Variants in NCS1 observed in about 807,000 individuals in gnomAD.
The protein encoded by NCS1 is neuronal calcium sensor 1, also known as frequenin homolog.
Under a neutral mutation model 28.4 loss-of-function variants are expected in NCS1, and 6 were observed. The observed-to-expected ratio is 0.21, with a 90% CI of 0.12 to 0.42. The LOEUF is 0.42. Ranked by LOEUF, NCS1 falls within the 10% of genes least tolerant of loss-of-function variation. The pLI, the probability that NCS1 is intolerant of heterozygous loss-of-function variation, is 1.00. For missense variants in NCS1, 131 were observed against 241.4 expected (o/e 0.54, Z 3.03); for synonymous variants, 86 against 99.3 (o/e 0.87, Z 0.79).
intron 2 of NCS1, among the ~76,000 whole-genome samples, chr9:130,202,780 A>G (rs1227041569): frequency 1.3e-5 from 2 of 151,972 alleles, no homozygotes; most frequent in African/African-American, 2.4e-5. Flanking sequence ...GGGTTTCACC[A>G]TCTTGGCCAG....
chr9:130,221,155 C>A (rs1833279814), intron 4 of NCS1, among the ~76,000 whole-genome samples: 1 of 151,792 alleles, frequency 6.6e-6, no homozygotes, highest in Admixed American at 6.6e-5. Flanking sequence ...TCCCAAGTAG[C>A]TGGGATTACA....
chr9:130,237,146 G>C lies in NCS1; in HGVS notation c.*4174G>C, dbSNP rs920145218. On this transcript the variant is annotated 3_prime_UTR_variant, in exon 8 of 8. Transcript: ENST00000372398. ...CCTTTGAGTCTCTTTTTGGGGTGCCGTCCTGTCTGAACCTGCCGGTGTGTG... is the reference window on the plus strand; with the variant it reads ...CCTTTGAGTCTCTTTTTGGGGTGCCCTCCTGTCTGAACCTGCCGGTGTGTG... 4 of 152,214 alleles carry C rather than the reference G, an allele frequency of 2.6e-5. No individual in the cohort carries two copies. The highest frequency in any genetic ancestry group is 9.7e-5 in the African/African-American group (4 of 41,390). The allele number at this position is 152,214 out of a possible 1,614,324, so 9.4% of individuals were successfully genotyped here. A position where few individuals can be genotyped will look rare whatever the true frequency, so the allele number is the denominator to read the frequency against.
At chr9:130,201,097 C>T in intron 2 of NCS1, 115 bp downstream of exon 2, 1 of 1,400,210 alleles carries the variant, frequency 7.1e-7, no homozygotes, top group Admixed American at 1.7e-5. Context: ...TGGAGGGGCC[C>T]CTGAGCGTGG....
intron 2 of NCS1, among the ~76,000 whole-genome samples, chr9:130,204,450 G>T (rs1222059543): frequency 3.9e-5 from 6 of 152,202 alleles, no homozygotes; most frequent in African/African-American, 1.4e-4. Flanking sequence ...CACCATGGCT[G>T]GCTAGTTATT....
At position 130,233,566 on chromosome 9, in the gene NCS1, GA is replaced by G. The variant is rs879989685; in HGVS notation, c.*595del. 2.6e-5 allele frequency: 4 copies of G among 151,516 alleles called. No individual in the cohort carries two copies. The highest frequency in any genetic ancestry group is 1.9e-4 in the East Asian group (1 of 5,166). 9.4% of individuals were successfully genotyped at this position (151,516 alleles called of 1,614,324 possible). On this transcript the variant is annotated 3_prime_UTR_variant, in exon 8 of 8. Coordinates refer to ENST00000372398, the MANE Select transcript of NCS1 (RefSeq NM_014286.4). This position sits in a 1 kb window ranked among gnomAD's most constrained non-coding sequence, Gnocchi z 4.8. ...TAGGATGATTAATTATGAGGATGATGATTTTTTTTGTGATAACAGTATTGTG... is the reference window on the plus strand; with the variant it reads ...TAGGATGATTAATTATGAGGATGATGTTTTTTTTGTGATAACAGTATTGTG...
In NCS1 at chr9:130,200,862, G is replaced by C. The variant is rs530817816; in HGVS notation, c.65-96G>C. The C allele has an allele frequency of 6.5e-6, 10 of 1,543,150 alleles. No individual in the cohort carries two copies. In the African/African-American group the frequency reaches 1.4e-4, roughly 21 times the overall value. ...TGCCCGGGGACATGGCCGTGGGGAG[G>C]GGAGGGCTGGAGGGGAGGCCCCCCA... is the stretch of plus-strand genomic sequence containing the variant. On this transcript the variant is annotated intron_variant, in intron 1 of 7. Coordinates refer to ENST00000372398, the MANE Select transcript of NCS1 (RefSeq NM_014286.4).
chr9:130,213,020 C>T (rs544716501), intron 2 of NCS1, among the ~76,000 whole-genome samples: 1 of 152,294 alleles, frequency 6.6e-6, no homozygotes, highest in South Asian at 2.1e-4. Context: ...CAGGCTCCCT[C>T]CTCCACCTTC....
intron 1 of NCS1, 86 bp downstream of exon 1, chr9:130,172,813 C>A (rs1166449987): frequency 3.1e-6 from 2 of 649,014 alleles, no homozygotes; most frequent in Non-Finnish European, 4.3e-6. Context: ...CCGCGCGCTA[C>A]CCGCTCCGCG....
At chr9:130,173,848 A>G (rs1465225814) in intron 1 of NCS1, among the ~76,000 whole-genome samples, 2 of 152,118 alleles carry the variant, frequency 1.3e-5, no homozygotes, top group South Asian at 2.1e-4. Flanking sequence ...CCCCCACTCC[A>G]TCGGCCTTCT....
rs1554904777 is a variant in NCS1, at chr9:130,177,943, T to G, written c.64+5216T>G. Among the ~76,000 whole-genome samples, 1 of 152,154 alleles carries G rather than the reference T, an allele frequency of 6.6e-6. No individual in the cohort carries two copies. The highest frequency in any genetic ancestry group is 2.4e-5 in the African/African-American group (1 of 41,446). On this transcript the variant is annotated intron_variant, in intron 1 of 7. Coordinates refer to ENST00000372398, the MANE Select transcript of NCS1 (RefSeq NM_014286.4). The surrounding 1 kb of genome is among the most constrained non-coding windows in gnomAD (Gnocchi z 4.4). ...TTTCCGCCTCTGGAAAATGGGCAGTTTTGGAAGGCCTCAGTGTTGAGGAGG... is the reference window on the plus strand; with the variant it reads ...TTTCCGCCTCTGGAAAATGGGCAGTGTTGGAAGGCCTCAGTGTTGAGGAGG...
intron 1 of NCS1, among the ~76,000 whole-genome samples, chr9:130,195,453 A>G (rs1832865808): frequency 6.7e-6 from 1 of 148,800 alleles, no homozygotes; most frequent in South Asian, 2.1e-4. Flanking sequence ...TTTTTTTGAG[A>G]CAGTCTCTGT....
At chr9:130,193,628 G>A (rs946698695) in intron 1 of NCS1, among the ~76,000 whole-genome samples, 1 of 152,074 alleles carries the variant, frequency 6.6e-6, no homozygotes, top group African/African-American at 2.4e-5. Context: ...CTTGGACGGG[G>A]GTGGGGGAGC....
intron 2 of NCS1, among the ~76,000 whole-genome samples, chr9:130,204,109 C>T (rs1554907792): frequency 6.6e-6 from 1 of 152,176 alleles, no homozygotes; most frequent in Non-Finnish European, 1.5e-5. Context: ...TCTCCTGCCT[C>T]AGCCTCCCAA....
chr9:130,197,526 C>T (rs1832890346), intron 1 of NCS1, among the ~76,000 whole-genome samples: 1 of 152,150 alleles, frequency 6.6e-6, no homozygotes, highest in African/African-American at 2.4e-5. Flanking sequence ...GCTTCCTCTC[C>T]AGGTTGGGGT....
chr9:130,222,560 T>C, intron 4 of NCS1, 90 bp from the exon 5 acceptor site: 1 of 1,088,328 alleles, frequency 9.2e-7, no homozygotes, highest in Non-Finnish European at 1.4e-6. Flanking sequence ...GTCGCTGACT[T>C]CATGTTGGGG....
At chr9:130,176,765 AGAG>A (rs1392722639) in intron 1 of NCS1, among the ~76,000 whole-genome samples, 2 of 152,258 alleles carry the variant, frequency 1.3e-5, no homozygotes, top group African/African-American at 4.8e-5. Flanking sequence ...GCATGGAGAC[AGAG>A]GAGTGGACCA....
intron 2 of NCS1, among the ~76,000 whole-genome samples, chr9:130,205,113 G>A (rs550059885): frequency 6.6e-6 from 1 of 152,204 alleles, no homozygotes; most frequent in Admixed American, 6.5e-5. Flanking sequence ...AGGAGGGAGA[G>A]GTCAGGCAAG....
At position 130,224,163 on chromosome 9, in the gene NCS1, A is replaced by T. The variant is rs371665415; in HGVS notation, c.474+1004A>T. ...GCCTGGCCAAGAAACCCTTCTTTAA[A>T]GGGAACCAAAGCCAGGTGTGGTGGC... On this transcript the variant is annotated intron_variant, in intron 6 of 7. Transcript: ENST00000372398. Among the ~76,000 whole-genome samples the T allele has an allele frequency of 2.4e-3, 367 of 149,848 alleles. 5 individuals carry two copies. Among genetic ancestry groups the T allele is most frequent in the African/African-American group, 8.4e-3 (344 of 41,054 alleles).
At chr9:130,199,130 G>A (rs1216920971) in intron 1 of NCS1, among the ~76,000 whole-genome samples, 8 of 148,572 alleles carry the variant, frequency 5.4e-5, no homozygotes, top group Non-Finnish European at 1.2e-4. Flanking sequence ...GCCTCACTCT[G>A]TCACCCAGGC....
Sources: allele counts gnomAD v4.1 joint callset (sites outside exome capture counted in the v4.1 genomes callset), GRCh38; gene constraint gnomAD v4.1.1; non-coding constraint Gnocchi (gnomAD v3.1); transcripts MANE v1.5; gene names NCBI Gene and HGNC (gene_info 2026-07-23, HGNC 2026-07-21).